The following PTPRM variants were observed in gnomAD, a reference collection of about 807,000 sequenced individuals.
The protein encoded by PTPRM is protein tyrosine phosphatase receptor type M, also known as receptor-type tyrosine-protein phosphatase mu.
Under a neutral mutation model 186.7 loss-of-function variants are expected in PTPRM, and 47 were observed. The observed-to-expected ratio is 0.25, with a 90% CI of 0.20 to 0.32. The LOEUF is 0.32. Ranked by LOEUF, PTPRM falls within the 10% of genes least tolerant of loss-of-function variation. The pLI, the probability that PTPRM is intolerant of heterozygous loss-of-function variation, is 1.00. For missense variants in PTPRM, 1,494 were observed against 1,865.0 expected, an observed-to-expected ratio of 0.80 and a Z score of 3.66; for synonymous variants, 668 against 674.9, an observed-to-expected ratio of 0.99 and a Z score of 0.16.
chr18:7,920,392 A>G (rs1329377356), intron 4 of PTPRM, among the ~76,000 whole-genome samples: 2 of 152,114 alleles, frequency 1.3e-5, no homozygotes, highest in African/African-American at 4.8e-5. Context: ...CTTATAAAAC[A>G]TATCTTATAG....
chr18:8,152,531 A>C (rs1002082807), intron 14 of PTPRM, among the ~76,000 whole-genome samples: 1 of 151,898 alleles, frequency 6.6e-6, no homozygotes, highest in Non-Finnish European at 1.5e-5. Flanking sequence ...TGTGCCGTTT[A>C]TCTCTTTTTC....
At chr18:7,880,222 G>T (rs2048437015) in intron 2 of PTPRM, among the ~76,000 whole-genome samples, 1 of 152,176 alleles carries the variant, frequency 6.6e-6, no homozygotes, top group African/African-American at 2.4e-5. Flanking sequence ...CCATATCAGA[G>T]AGTAAAGGGA....
At chr18:8,099,899 G>C (rs1405109923) in intron 11 of PTPRM, among the ~76,000 whole-genome samples, 1 of 152,154 alleles carries the variant, frequency 6.6e-6, no homozygotes, top group Non-Finnish European at 1.5e-5. Context: ...TTCTTGCATT[G>C]CTATAAAGAT....
intron 2 of PTPRM, among the ~76,000 whole-genome samples, chr18:7,878,599 A>G (rs912330273): frequency 8.5e-5 from 13 of 152,292 alleles, no homozygotes; most frequent in African/African-American, 2.6e-4. Context: ...TCAAAGACAG[A>G]CCTTTAAAAT....
rs145407914 is a variant in PTPRM at position 8,364,218 on chromosome 18, T to C, written c.3055-6672T>C. On this transcript the variant is annotated intron_variant, in intron 23 of 32. Transcript: ENST00000580170. ...GCCAGGTACTTAATCAGCAACTTTA[T>C]ATATACTTTAAAAAATCTCATCTAA... Among the ~76,000 whole-genome samples the C allele has an allele frequency of 7.2e-5, 11 of 152,300 alleles. No individual in the cohort carries two copies. The East Asian group carries it at 1.3e-3, about 19-fold the overall frequency.
intron 1 of PTPRM, among the ~76,000 whole-genome samples, chr18:7,598,856 G>A (rs1418136958): frequency 6.6e-6 from 1 of 150,768 alleles, no homozygotes; most frequent in Non-Finnish European, 1.5e-5. Context: ...GCCAATTTAA[G>A]GTGATTCATA....
intron 7 of PTPRM, among the ~76,000 whole-genome samples, chr18:7,982,164 A>T (rs2082588012): frequency 6.6e-6 from 1 of 152,026 alleles, no homozygotes; most frequent in Admixed American, 6.5e-5. Flanking sequence ...TGCATTTTTC[A>T]TTGTTTGGCT....
Position 7,955,139 on chromosome 18 carries a change from C to G in PTPRM, c.857C>G (p.Ala286Gly). The change falls in exon 7 of 33, where the codon GCC becomes GGC. Residue 286 changes from alanine (A) to glycine (G), a missense_variant. Around this residue, in one of 3 missense-constraint regions of PTPRM, gnomAD observed 91 missense variants for 169.3 expected, o/e 0.54. Transcript: ENST00000580170. ...LVVKEPPVPI[A>G]PPQLASVGAT... ...CTTTCAGAACCACCCGTTCCTATTG[C>G]CCCACCTCAGCTCGCCTCTGTAGGA... 1 of 1,607,332 alleles carries G rather than the reference C, an allele frequency of 6.2e-7. No homozygotes were observed. Among genetic ancestry groups the G allele is most frequent in the Non-Finnish European group, 8.5e-7 (1 of 1,174,472 alleles).
chr18:7,890,364 G>A (rs2049009690), intron 3 of PTPRM, among the ~76,000 whole-genome samples: 1 of 152,114 alleles, frequency 6.6e-6, no homozygotes. Context: ...CCATTCTGCA[G>A]CTTTGGTGTT....
chr18:8,229,000 G>A (rs9956665), intron 14 of PTPRM, among the ~76,000 whole-genome samples: 6,101 of 152,108 alleles, frequency 0.04, 382 homozygotes, highest in African/African-American at 0.14. Context: ...TGTGAGAGTC[G>A]TCACCAAGCC....
rs556446203 is a variant in PTPRM at position 7,622,353 on chromosome 18, A to G, written c.73+54462A>G. ...TCTACCCTCTCACACCCTCCTTACC[A>G]TAGCAGCCATGGTTCATGGTCAGGC... On this transcript the variant is annotated intron_variant, in intron 1 of 32. Transcript: ENST00000580170. Among the ~76,000 whole-genome samples, 7 of 151,972 alleles carry G rather than the reference A, an allele frequency of 4.6e-5. No individual in the cohort carries two copies. In the East Asian group the frequency reaches 5.8e-4, roughly 13 times the overall value.
intron 2 of PTPRM, among the ~76,000 whole-genome samples, chr18:7,804,212 G>T (rs1183208107): frequency 1.3e-5 from 2 of 152,092 alleles, no homozygotes; most frequent in African/African-American, 4.8e-5. Context: ...CAACAGCTGT[G>T]GGCTGTTACC....
intron 14 of PTPRM, among the ~76,000 whole-genome samples, chr18:8,191,490 T>C (rs750884827): frequency 1.3e-5 from 2 of 152,152 alleles, no homozygotes; most frequent in Non-Finnish European, 2.9e-5. Flanking sequence ...GAAACCACCA[T>C]GCTGAAAAGG....
rs1446326423 is a variant in PTPRM at position 8,126,019 on chromosome 18, A to ATT, written c.2167+11193_2167+11194insTT. Among the ~76,000 whole-genome samples the ATT allele has an allele frequency of 4.4e-3, 139 of 31,864 alleles. 7 individuals are homozygous for ATT. The highest frequency in any genetic ancestry group is 7.0e-3 in the Non-Finnish European group (84 of 12,044). 20.9% of individuals were successfully genotyped at this position (31,864 alleles called of 152,430 possible). On this transcript the variant is annotated intron_variant, in intron 13 of 32. Coordinates refer to ENST00000580170, the MANE Select transcript of PTPRM (RefSeq NM_001105244.2). Reference sequence around the variant, plus strand: ...TATATATATATATATATATATATATATATATATATTTTAAATCAGTAGACC... The same window carrying ATT: ...TATATATATATATATATATATATATATTTATATATATTTTAAATCAGTAGACC...
intron 12 of PTPRM, 77 bp downstream of exon 12, chr18:8,113,836 A>C (rs2091853893): frequency 7.5e-7 from 1 of 1,329,716 alleles, no homozygotes; most frequent in South Asian, 1.6e-5. Flanking sequence ...AAATAGTAGT[A>C]AAATGGAAGT....
At chr18:7,791,282 CTT>C (rs551977337) in intron 2 of PTPRM, among the ~76,000 whole-genome samples, 33 of 151,824 alleles carry the variant, frequency 2.2e-4, no homozygotes, top group Non-Finnish European at 2.2e-4. Context: ...AAAGGAAACT[CTT>C]TGTTTTTTGC....
At chr18:7,738,943 G>A (rs576208663) in intron 1 of PTPRM, among the ~76,000 whole-genome samples, 76 of 152,238 alleles carry the variant, frequency 5.0e-4, no homozygotes, top group African/African-American at 1.3e-3. Context: ...GCAGCACACC[G>A]CCAGACAGTG....
intron 1 of PTPRM, among the ~76,000 whole-genome samples, chr18:7,578,263 G>A (rs924159634): frequency 1.3e-5 from 2 of 151,858 alleles, no homozygotes; most frequent in African/African-American, 2.4e-5. Flanking sequence ...TCCTGGGCTC[G>A]AGCGATCCTC....
intron 2 of PTPRM, among the ~76,000 whole-genome samples, chr18:7,798,068 G>C (rs944035111): frequency 1.3e-5 from 2 of 152,134 alleles, no homozygotes; most frequent in African/African-American, 2.4e-5. Flanking sequence ...GTACCCTAGG[G>C]TTAGAGGTCT....
Sources: allele counts gnomAD v4.1 joint callset (sites outside exome capture counted in the v4.1 genomes callset), GRCh38; gene constraint gnomAD v4.1.1; regional missense constraint gnomAD v4.1.1; transcripts MANE v1.5; gene names NCBI Gene and HGNC (gene_info 2026-07-23, HGNC 2026-07-21).